Variants in EPHA3 observed in about 807,000 individuals in gnomAD.
EPHA3 encodes ephrin type-A receptor 3.
EPHA3 carries 42 observed loss-of-function variants against 107.1 expected under a neutral mutation model. That is an observed-to-expected ratio of 0.39 (90% confidence interval 0.31 to 0.51). EPHA3 has a LOEUF of 0.51. Among genes scored for constraint, EPHA3 ranks in the 20% least tolerant of loss-of-function variants. EPHA3 has a pLI of 0.78. For missense variants in EPHA3, 1,183 were observed against 1,211.2 expected (o/e 0.98, Z 0.35); for synonymous variants, 461 against 424.8 (o/e 1.09, Z -1.05).
chr3:89,382,979 C>A (rs1156927689), intron 5 of EPHA3, among the ~76,000 whole-genome samples: 4 of 152,158 alleles, frequency 2.6e-5, no homozygotes, highest in Non-Finnish European at 5.9e-5. Flanking sequence ...TTCAGAGTAA[C>A]TTCATATATT....
At chr3:89,332,716 G>A (rs972773562) in intron 3 of EPHA3, among the ~76,000 whole-genome samples, 24 of 152,122 alleles carry the variant, frequency 1.6e-4, no homozygotes, top group African/African-American at 5.8e-4. Context: ...TGCAGGGCCA[G>A]GAAATCATCT....
intron 13 of EPHA3, among the ~76,000 whole-genome samples, chr3:89,438,397 C>T (rs1418475751): frequency 6.6e-6 from 1 of 152,090 alleles, no homozygotes; most frequent in Non-Finnish European, 1.5e-5. Flanking sequence ...AGGTGTGAGC[C>T]ACCGTGCCTG....
chr3:89,374,691 G>C (rs1708368912), intron 5 of EPHA3, among the ~76,000 whole-genome samples: 1 of 151,546 alleles, frequency 6.6e-6, no homozygotes, highest in Non-Finnish European at 1.5e-5. Context: ...GATGTCTGCT[G>C]CTTGTTTGAG....
intron 5 of EPHA3, among the ~76,000 whole-genome samples, chr3:89,352,776 G>A (rs2107444978): frequency 6.7e-6 from 1 of 150,302 alleles, no homozygotes; most frequent in Middle Eastern, 3.4e-3. Flanking sequence ...GATGGCAGGT[G>A]CCTGTAATTC....
At chr3:89,438,343 C>T (rs1220412176) in intron 13 of EPHA3, among the ~76,000 whole-genome samples, 1 of 152,012 alleles carries the variant, frequency 6.6e-6, no homozygotes, top group African/African-American at 2.4e-5. Flanking sequence ...GATCTCCTGA[C>T]CTCGTGATCC....
intron 1 of EPHA3, among the ~76,000 whole-genome samples, chr3:89,125,242 C>T (rs1158740810): frequency 6.6e-6 from 1 of 151,706 alleles, no homozygotes; most frequent in Admixed American, 6.6e-5. Flanking sequence ...CAAATATAAT[C>T]TAATAATTTA....
chr3:89,445,192 A>G (rs764065367), intron 13 of EPHA3, among the ~76,000 whole-genome samples: 17 of 152,076 alleles, frequency 1.1e-4, no homozygotes, highest in Non-Finnish European at 2.4e-4. Context: ...CTTGAGCCTG[A>G]GAGGGGGAGG....
chr3:89,132,125 C>T (rs552554353), intron 2 of EPHA3, among the ~76,000 whole-genome samples: 1 of 152,230 alleles, frequency 6.6e-6, no homozygotes, highest in East Asian at 1.9e-4. Flanking sequence ...TAGGGAGAGA[C>T]CCATCATTTC....
At chr3:89,209,581 G>A (rs189800025) in intron 2 of EPHA3, among the ~76,000 whole-genome samples, 2 of 152,096 alleles carry the variant, frequency 1.3e-5, no homozygotes, top group African/African-American at 4.8e-5. Flanking sequence ...ACTGATTTGA[G>A]GTTTTGATCC....
intron 3 of EPHA3, among the ~76,000 whole-genome samples, chr3:89,340,139 G>T: frequency 6.6e-6 from 1 of 152,124 alleles, no homozygotes; most frequent in East Asian, 1.9e-4. Context: ...ATTATAAGCT[G>T]AAATCAATGT....
chr3:89,238,399 A>C (rs1011522510), intron 3 of EPHA3, among the ~76,000 whole-genome samples: 2 of 152,210 alleles, frequency 1.3e-5, no homozygotes, highest in Non-Finnish European at 2.9e-5. Context: ...TTGAAATCTC[A>C]TAGAGGTATG....
chr3:89,346,629 C>T (rs994397333), intron 5 of EPHA3, among the ~76,000 whole-genome samples: 5 of 150,822 alleles, frequency 3.3e-5, no homozygotes, highest in African/African-American at 9.7e-5. Context: ...TTAATTAGAT[C>T]CCATTTGTCA....
chr3:89,351,066 TTTTG>T (rs949195036), intron 5 of EPHA3, among the ~76,000 whole-genome samples: 6 of 151,206 alleles, frequency 4.0e-5, no homozygotes, highest in African/African-American at 1.5e-4. Context: ...ACTGCTGTCT[TTTTG>T]TTTGTCTTTG....
chr3:89,261,025 G>A (rs1705402574), intron 3 of EPHA3, among the ~76,000 whole-genome samples: 1 of 152,142 alleles, frequency 6.6e-6, no homozygotes, highest in African/African-American at 2.4e-5. Context: ...AAAGGTTCCT[G>A]ACATGCTGGC....
chr3:89,366,826 G>C (rs1708192814), intron 5 of EPHA3, among the ~76,000 whole-genome samples: 1 of 150,802 alleles, frequency 6.6e-6, no homozygotes, highest in South Asian at 2.1e-4. Flanking sequence ...TTGTTCATTA[G>C]TATGTATTTT....
At chr3:89,383,915 T>C (rs1708562365) in intron 5 of EPHA3, among the ~76,000 whole-genome samples, 3 of 152,078 alleles carry the variant, frequency 2.0e-5, no homozygotes, top group Non-Finnish European at 4.4e-5. Flanking sequence ...CCCAAAGTGC[T>C]GGGATTACAG....
intron 15 of EPHA3, among the ~76,000 whole-genome samples, chr3:89,459,564 T>A (rs1394638149): frequency 6.6e-6 from 1 of 151,688 alleles, no homozygotes; most frequent in Admixed American, 6.6e-5. Context: ...CTTGACAGTG[T>A]TTCACTCTTG....
chr3:89,401,043 T>C, intron 7 of EPHA3, among the ~76,000 whole-genome samples: 1 of 152,160 alleles, frequency 6.6e-6, no homozygotes, highest in East Asian at 1.9e-4. Flanking sequence ...GTTCCTGACA[T>C]AAAATCTCAT....
intron 11 of EPHA3, among the ~76,000 whole-genome samples, chr3:89,422,688 T>C (rs1443591916): frequency 1.3e-5 from 2 of 151,470 alleles, no homozygotes; most frequent in East Asian, 1.9e-4. Flanking sequence ...TTTGGGTGTA[T>C]AGAAAAAAAT....
Sources: gnomAD v4.1 joint callset for allele counts (sites outside exome capture counted in the v4.1 genomes callset) on GRCh38, gnomAD v4.1.1 for gene constraint, MANE v1.5 for transcripts, NCBI Gene and HGNC (gene_info 2026-07-23, HGNC 2026-07-21) for gene names.